AKAP6: variants seen among roughly 807,000 people sequenced by gnomAD.
AKAP6 encodes the protein A-kinase anchoring protein 6.
AKAP6 carries 58 observed loss-of-function variants against 188.5 expected under a neutral mutation model. The ratio of observed to expected loss-of-function variants is 0.31; its 90% CI spans 0.25 to 0.38. AKAP6 has a LOEUF of 0.38. Ranked by LOEUF, AKAP6 falls within the 10% of genes least tolerant of loss-of-function variation. AKAP6 has a pLI of 1.00. For synonymous variants in AKAP6, 989 were observed against 998.6 expected (o/e 0.99, Z 0.18); for missense variants, 2,710 against 2,740.0 (o/e 0.99, Z 0.24).
chr14:32,340,224 A>G (rs529381619), intron 1 of AKAP6, among the ~76,000 whole-genome samples: 1 of 152,032 alleles, frequency 6.6e-6, no homozygotes, highest in Non-Finnish European at 1.5e-5. Context: ...TATTTAATAT[A>G]TTAAATAAAA....
At chr14:32,639,161 G>A (rs1285059676) in intron 7 of AKAP6, among the ~76,000 whole-genome samples, 1 of 152,104 alleles carries the variant, frequency 6.6e-6, no homozygotes. Context: ...TTAACACTTA[G>A]GAATAAGCCC....
chr14:32,717,918 G>A (rs143813210), intron 9 of AKAP6, among the ~76,000 whole-genome samples: 19 of 152,130 alleles, frequency 1.2e-4, no homozygotes, highest in Middle Eastern at 3.4e-3. Flanking sequence ...ATGAGCCTAC[G>A]CCAAATGAAT....
intron 7 of AKAP6, among the ~76,000 whole-genome samples, chr14:32,673,775 C>G (rs919017979): frequency 6.6e-5 from 10 of 152,078 alleles, no homozygotes; most frequent in African/African-American, 9.7e-5. Context: ...GAATGTACAA[C>G]TCATCCACTG....
Position 32,547,661 on chromosome 14 carries a change from G to T in AKAP6, c.2346+662G>T, listed in dbSNP as rs148395368. On this transcript the variant is annotated intron_variant, in intron 4 of 13. Coordinates refer to ENST00000280979, the MANE Select transcript of AKAP6 (RefSeq NM_004274.5). ...ACTTATCAAAAATCTCAGGACCGAC[G>T]GCTTGGGCAATGTAGGGAGACCCCA... Among the ~76,000 whole-genome samples the T allele has an allele frequency of 5.9e-5, 9 of 152,116 alleles. No individual in the cohort carries two copies. The South Asian group carries it at 1.9e-3, about 32-fold the overall frequency.
intron 13 of AKAP6, among the ~76,000 whole-genome samples, chr14:32,825,923 T>C (rs2034662213): frequency 6.6e-6 from 1 of 152,246 alleles, no homozygotes; most frequent in Non-Finnish European, 1.5e-5. Context: ...AGATTGTTTA[T>C]TTTTTGATGA....
At chr14:32,678,554 C>A in intron 8 of AKAP6, 95 bp downstream of exon 8, 2 of 1,430,486 alleles carry the variant, frequency 1.4e-6, no homozygotes, top group South Asian at 1.3e-5. Context: ...TCCTCTTTAG[C>A]AAACCGACAA....
At chr14:32,813,071 C>T (rs2034279469) in intron 12 of AKAP6, among the ~76,000 whole-genome samples, 1 of 152,170 alleles carries the variant, frequency 6.6e-6, no homozygotes, top group South Asian at 2.1e-4. Flanking sequence ...ACTTCAGATG[C>T]CAATCACGCA....
intron 2 of AKAP6, chr14:32,494,490 C>T (rs766565122): frequency 6.6e-6 from 1 of 152,116 alleles, no homozygotes; most frequent in Non-Finnish European, 1.5e-5. Context: ...AGGTAGCATG[C>T]TTTAGTAGCT....
In AKAP6 at chr14:32,433,817, G is replaced by T; in HGVS notation, c.324G>T (p.Lys108Asn). Residue 108 changes from lysine (K) to asparagine (N), a missense_variant and splice_region_variant, in exon 2 of 14, where the codon AAG becomes AAT. Lys to Asn is a moderately conservative substitution (Grantham distance 94). Coordinates refer to ENST00000280979, the MANE Select transcript of AKAP6 (RefSeq NM_004274.5). ...KHVDVHLVQL[K>N]DICEDISDHV... ...TGGATGTACATCTAGTTCAACTAAAGGTAAGGCAAGGTCTGTGATCCTCTC... is the reference window on the plus strand; with the variant it reads ...TGGATGTACATCTAGTTCAACTAAATGTAAGGCAAGGTCTGTGATCCTCTC... 1 of 1,611,064 alleles carries T rather than the reference G, an allele frequency of 6.2e-7. No individual in the cohort carries two copies. The highest frequency in any genetic ancestry group is 8.5e-7 in the Non-Finnish European group (1 of 1,179,032).
intron 2 of AKAP6, among the ~76,000 whole-genome samples, chr14:32,520,231 A>T (rs1881747543): frequency 6.6e-6 from 1 of 152,238 alleles, no homozygotes; most frequent in Non-Finnish European, 1.5e-5. Flanking sequence ...CTAAATGCCC[A>T]CAAGAGAAAG....
At chr14:32,391,052 T>C (rs1888698474) in intron 1 of AKAP6, among the ~76,000 whole-genome samples, 1 of 152,232 alleles carries the variant, frequency 6.6e-6, no homozygotes, top group South Asian at 2.1e-4. Flanking sequence ...GTAATACGGG[T>C]ACAGGACCTA....
intron 1 of AKAP6, among the ~76,000 whole-genome samples, chr14:32,347,139 T>G (rs1887094969): frequency 6.6e-6 from 1 of 152,342 alleles, no homozygotes; most frequent in Non-Finnish European, 1.5e-5. Flanking sequence ...GGATTCTGCA[T>G]CCTTTGTATG....
intron 7 of AKAP6, among the ~76,000 whole-genome samples, chr14:32,658,849 G>GTGTA (rs940904029): frequency 3.3e-5 from 5 of 149,534 alleles, no homozygotes; most frequent in Non-Finnish European, 7.4e-5. Context: ...TACTCACCAA[G>GTGTA]ACCCAGTGAA....
At chr14:32,370,831 T>C (rs898443449) in intron 1 of AKAP6, among the ~76,000 whole-genome samples, 1 of 152,228 alleles carries the variant, frequency 6.6e-6, no homozygotes, top group Non-Finnish European at 1.5e-5. Context: ...ATTTTAGTAC[T>C]GGAGGGACCT....
chr14:32,481,482 C>T (rs1879339209), intron 2 of AKAP6, among the ~76,000 whole-genome samples: 1 of 152,142 alleles, frequency 6.6e-6, no homozygotes, highest in Non-Finnish European at 1.5e-5. Flanking sequence ...GGGGAGGCCT[C>T]ACATTCATGA....
chr14:32,780,129 G>T (rs929803108), intron 12 of AKAP6, among the ~76,000 whole-genome samples: 9 of 108,406 alleles, frequency 8.3e-5, no homozygotes, highest in Non-Finnish European at 1.8e-4. Context: ...TCCATTAGAT[G>T]AATGGAAAAA....
At chr14:32,721,124 T>C (rs1367847982) in intron 9 of AKAP6, among the ~76,000 whole-genome samples, 1 of 152,194 alleles carries the variant, frequency 6.6e-6, no homozygotes, top group East Asian at 1.9e-4. Flanking sequence ...ACAGCCCTGA[T>C]ATGGTGCATC....
intron 2 of AKAP6, among the ~76,000 whole-genome samples, chr14:32,494,583 G>A (rs994329924): frequency 2.0e-5 from 3 of 152,076 alleles, no homozygotes; most frequent in Non-Finnish European, 4.4e-5. Flanking sequence ...TTTTCTCTAT[G>A]AAGGGAATGA....
In AKAP6 at chr14:32,600,779, C is replaced by G; in HGVS notation, c.2717C>G (p.Thr906Ser). The change falls in exon 7 of 14, where the codon ACT (threonine) becomes AGT (serine). Residue 906 changes from threonine (T) to serine (S), a missense_variant. By Grantham distance (58) the Thr-to-Ser change is moderately conservative (BLOSUM62 1). Transcript: ENST00000280979. The stretch of plus-strand genomic sequence containing the variant: ...GTGTCTGTGGAGGATGAGGAAGGGA[C>G]TGGAAGCCCCAAGGTAAGTGGCTTG... ...TDVSVEDEEG[T>S]GSPKAEVQLC... is the part of the protein sequence containing the mutation. 1 of 1,607,732 alleles carries G rather than the reference C, an allele frequency of 6.2e-7. No individual in the cohort carries two copies. Among genetic ancestry groups the G allele is most frequent in the Non-Finnish European group, 8.5e-7 (1 of 1,177,288 alleles).
Sources: gnomAD v4.1 joint callset for allele counts (sites outside exome capture counted in the v4.1 genomes callset) on GRCh38, gnomAD v4.1.1 for gene constraint, MANE v1.5 for transcripts, NCBI Gene and HGNC (gene_info 2026-07-23, HGNC 2026-07-21) for gene names.